TMEM178B: variants seen among roughly 807,000 people sequenced by gnomAD.
The protein encoded by TMEM178B is transmembrane protein 178B.
A neutral mutation model predicts 31.0 loss-of-function variants in TMEM178B; 5 were observed. The observed-to-expected ratio is 0.16, with a 90% CI of 0.08 to 0.34. The LOEUF (loss-of-function observed/expected upper bound fraction) is 0.34. Among genes scored for constraint, TMEM178B ranks in the 10% least tolerant of loss-of-function variants. The pLI is 1.00. For missense variants in TMEM178B, 275 were observed against 400.3 expected, an observed-to-expected ratio of 0.69 and a Z score of 2.67; for synonymous variants, 164 against 164.0, an observed-to-expected ratio of 1.00 and a Z score of 0.00.
chr7:141,256,809 T>C (rs549210018), intron 2 of TMEM178B, among the ~76,000 whole-genome samples: 2 of 152,262 alleles, frequency 1.3e-5, no homozygotes, highest in Admixed American at 6.5e-5. Context: ...TTGGGATACA[T>C]TGTCAAGATG....
chr7:141,210,119 C>T (rs143767419), intron 1 of TMEM178B, among the ~76,000 whole-genome samples: 24 of 152,256 alleles, frequency 1.6e-4, no homozygotes, highest in African/African-American at 5.8e-4. Flanking sequence ...GCACTGCTAC[C>T]TCCTTGGGTG....
intron 1 of TMEM178B, among the ~76,000 whole-genome samples, chr7:141,160,306 T>G (rs1006564916): frequency 2.6e-5 from 4 of 152,028 alleles, no homozygotes; most frequent in African/African-American, 9.7e-5. Context: ...CTCACCAGCC[T>G]CCCATGCTGG....
chr7:141,384,166 G>A (rs535539015), intron 2 of TMEM178B, among the ~76,000 whole-genome samples: 18 of 152,206 alleles, frequency 1.2e-4, no homozygotes, highest in African/African-American at 4.3e-4. Context: ...CATTTTGTAG[G>A]TTGCCTGTTC....
rs1406295609 is a variant in TMEM178B, at chr7:141,470,539, C to A, written c.638C>A (p.Thr213Asn). 1 of 1,515,518 alleles carries A rather than the reference C, an allele frequency of 6.6e-7. No homozygotes were observed. Among genetic ancestry groups the A allele is most frequent in the African/African-American group, 1.4e-5 (1 of 72,342 alleles). 93.9% of individuals were successfully genotyped at this position (1,515,518 alleles called of 1,614,324 possible). ...TGTCTTTTCCCTTGTCCTCCAGGAA[C>A]CTTCTGCATCATTTCACTGTGCACC... Reference protein sequence around the residue: ...VAGLLFLMGGTFCIISLCTCV... With the variant: ...VAGLLFLMGGNFCIISLCTCV... Residue 213 changes from threonine (T) to asparagine (N), a missense_variant, in exon 4 of 4, where the codon ACC (threonine) becomes AAC (asparagine). Transcript: ENST00000565468.
At chr7:141,229,257 G>T (rs572648898) in intron 2 of TMEM178B, among the ~76,000 whole-genome samples, 184 of 152,082 alleles carry the variant, frequency 1.2e-3, no homozygotes, top group Middle Eastern at 3.4e-3. Context: ...TTTTTTAAGA[G>T]TTGTCAGGGA....
At chr7:141,081,864 CACT>C in intron 1 of TMEM178B, among the ~76,000 whole-genome samples, 1 of 152,196 alleles carries the variant, frequency 6.6e-6, no homozygotes, top group African/African-American at 2.4e-5. Context: ...ACCTCTCACT[CACT>C]GACTCACCCA....
At chr7:141,092,035 C>CTT (rs1401569337) in intron 1 of TMEM178B, among the ~76,000 whole-genome samples, 2 of 152,192 alleles carry the variant, frequency 1.3e-5, no homozygotes, top group African/African-American at 4.8e-5. Flanking sequence ...ACCTAATGTA[C>CTT]TTTAACATGC....
At chr7:141,289,937 C>T (rs1384055738) in intron 2 of TMEM178B, among the ~76,000 whole-genome samples, 2 of 151,704 alleles carry the variant, frequency 1.3e-5, no homozygotes, top group Non-Finnish European at 2.9e-5. Flanking sequence ...GAATTAGAGG[C>T]CAGAGACCAG....
intron 2 of TMEM178B, among the ~76,000 whole-genome samples, chr7:141,314,602 G>T (rs992112560): frequency 6.6e-6 from 1 of 152,252 alleles, no homozygotes; most frequent in East Asian, 1.9e-4. Flanking sequence ...CACTGGCTCA[G>T]GCCCTGTGTC....
intron 2 of TMEM178B, among the ~76,000 whole-genome samples, chr7:141,336,384 C>T (rs1039711434): frequency 4.6e-5 from 7 of 152,256 alleles, no homozygotes; most frequent in Admixed American, 2.0e-4. Flanking sequence ...AAATGCTGAG[C>T]TTTTCAGAGA....
At chr7:141,093,043 T>A (rs1264008297) in intron 1 of TMEM178B, among the ~76,000 whole-genome samples, 1 of 152,158 alleles carries the variant, frequency 6.6e-6, no homozygotes, top group African/African-American at 2.4e-5. Flanking sequence ...TAAAGATCCA[T>A]GTTACGTAGT....
At chr7:141,128,769 T>C (rs1586785453) in intron 1 of TMEM178B, among the ~76,000 whole-genome samples, 1 of 152,156 alleles carries the variant, frequency 6.6e-6, no homozygotes, top group African/African-American at 2.4e-5. Flanking sequence ...GAGTCATCTG[T>C]TGGATGTTCC....
At chr7:141,206,719 C>T (rs539837781) in intron 1 of TMEM178B, among the ~76,000 whole-genome samples, 1 of 152,328 alleles carries the variant, frequency 6.6e-6, no homozygotes, top group East Asian at 1.9e-4. Flanking sequence ...GTCCTTTACA[C>T]CATCCTTCAC....
chr7:141,374,617 C>T (rs551511440), intron 2 of TMEM178B, among the ~76,000 whole-genome samples: 3 of 152,318 alleles, frequency 2.0e-5, no homozygotes, highest in Non-Finnish European at 2.9e-5. Flanking sequence ...CTTCCATCTG[C>T]GAAACCGCCT....
chr7:141,105,091 A>G (rs193024723), intron 1 of TMEM178B, among the ~76,000 whole-genome samples: 3 of 152,114 alleles, frequency 2.0e-5, no homozygotes, highest in African/African-American at 7.2e-5. Flanking sequence ...GACATGATGG[A>G]CGTGTGAGGT....
At chr7:141,433,513 C>T (rs553817133) in intron 2 of TMEM178B, among the ~76,000 whole-genome samples, 10 of 152,272 alleles carry the variant, frequency 6.6e-5, no homozygotes, top group African/African-American at 2.2e-4. Flanking sequence ...TGAAGACTTC[C>T]GTCTTTCTAA....
intron 2 of TMEM178B, among the ~76,000 whole-genome samples, chr7:141,328,583 C>T (rs1007472232): frequency 6.6e-6 from 1 of 152,150 alleles, no homozygotes; most frequent in Non-Finnish European, 1.5e-5. Context: ...TGTGAGTCCT[C>T]GCACTGGTTT....
Position 141,179,017 on chromosome 7 carries a change from A to C in TMEM178B, c.383-33574A>C, listed in dbSNP as rs141283227. ...TTGGGTTCTCAGCTGACTTTTGCTT[A>C]GTTGAGGTTGATCTGTAAGTGCCCT... On this transcript the variant is annotated intron_variant, in intron 1 of 3. Transcript: ENST00000565468. Among the ~76,000 whole-genome samples the C allele has an allele frequency of 3.2e-4, 48 of 152,222 alleles. No individual in the cohort carries two copies. The East Asian group carries it at 8.7e-3, about 28-fold the overall frequency.
intron 2 of TMEM178B, among the ~76,000 whole-genome samples, chr7:141,419,698 A>G (rs371494857): frequency 6.6e-6 from 1 of 152,330 alleles, no homozygotes. Context: ...TGATTGACCA[A>G]GTGAATTCCT....
Sources: gnomAD v4.1 joint callset for allele counts (sites outside exome capture counted in the v4.1 genomes callset) on GRCh38, gnomAD v4.1.1 for gene constraint, MANE v1.5 for transcripts, NCBI Gene and HGNC (gene_info 2026-07-23, HGNC 2026-07-21) for gene names.